The following TMEM243 variants were observed in gnomAD, a reference collection of about 807,000 sequenced individuals.
TMEM243 encodes the protein transmembrane protein 243.
In TMEM243, 20 loss-of-function variants were observed where a neutral mutation model predicts 15.0. The observed-to-expected ratio is 1.33, with a 90% CI of 0.94 to 1.93. The LOEUF (loss-of-function observed/expected upper bound fraction) is 1.93, where lower values mean the gene tolerates loss of function less well. Among genes scored for constraint, TMEM243 ranks in the 30% most tolerant of loss-of-function variants. The pLI, the probability that TMEM243 is intolerant of heterozygous loss-of-function variation, is 0.00. For missense variants in TMEM243, 156 were observed against 142.1 expected (o/e 1.10, Z -0.50); for synonymous variants, 72 against 52.7 (o/e 1.37, Z -1.59).
rs1291449629 is a variant in TMEM243 at position 87,219,589 on chromosome 7, C to G, written c.-86G>C. ...TCTCAGGTCCACGACTGCAAGCCTCCTCCTCACGGCTCCCGCATAGCCGAA... is the reference window on the plus strand; with the variant it reads ...TCTCAGGTCCACGACTGCAAGCCTCGTCCTCACGGCTCCCGCATAGCCGAA... On this transcript the variant is annotated 5_prime_UTR_variant, in exon 1 of 4. Transcript: ENST00000257637. The G allele has an allele frequency of 2.5e-6, 3 of 1,195,872 alleles. No individual in the cohort carries two copies. The highest frequency in any genetic ancestry group is 3.0e-5 in the African/African-American group (2 of 66,164). 74.1% of individuals were successfully genotyped at this position (1,195,872 alleles called of 1,614,324 possible).
At chr7:87,199,082 C>G (rs1179519927) in intron 1 of TMEM243, 25 bp from the exon 2 acceptor site, 1 of 1,593,996 alleles carries the variant, frequency 6.3e-7, no homozygotes, top group Non-Finnish European at 8.5e-7. Flanking sequence ...AATTTTTAAG[C>G]CATATGACTT....
intron 1 of TMEM243, 90 bp from the exon 2 acceptor site, chr7:87,199,147 T>A: frequency 9.6e-7 from 1 of 1,044,792 alleles, no homozygotes; most frequent in Non-Finnish European, 1.4e-6. Flanking sequence ...TGGTTTACTA[T>A]AAAGAAACCC....
chr7:87,209,029 G>GT (rs1456163330), intron 1 of TMEM243, among the ~76,000 whole-genome samples: 2 of 152,216 alleles, frequency 1.3e-5, no homozygotes, highest in African/African-American at 2.4e-5. Flanking sequence ...GGCCTTCACT[G>GT]TATTTCCATG....
At chr7:87,209,895 T>C (rs1056440763) in intron 1 of TMEM243, among the ~76,000 whole-genome samples, 2 of 106,866 alleles carry the variant, frequency 1.9e-5, no homozygotes, top group African/African-American at 7.7e-5. Context: ...TGAGAGACAG[T>C]GAGAGAGTGA....
chr7:87,202,939 A>C (rs567506761), intron 1 of TMEM243: 1 of 152,412 alleles, frequency 6.6e-6, no homozygotes, highest in African/African-American at 2.4e-5. Flanking sequence ...CTAGTGATTA[A>C]AAGCCAGAGA....
intron 1 of TMEM243, among the ~76,000 whole-genome samples, chr7:87,207,276 G>A (rs1314672580): frequency 6.6e-6 from 1 of 152,208 alleles, no homozygotes; most frequent in Non-Finnish European, 1.5e-5. Flanking sequence ...GAGGGGCAAG[G>A]CAAAACAGAG....
rs1189754617 is a variant in TMEM243, at chr7:87,196,436, G to A, written c.*200C>T. Reference sequence around the variant, plus strand: ...GCTTTAAGGGTTGGAATGTTTAGGTGCAACATCAGCTCCTTAAAGAAAAAG... The same window carrying A: ...GCTTTAAGGGTTGGAATGTTTAGGTACAACATCAGCTCCTTAAAGAAAAAG... On this transcript the variant is annotated 3_prime_UTR_variant, in exon 4 of 4. Coordinates refer to ENST00000257637, the MANE Select transcript of TMEM243 (RefSeq NM_024315.4). 6.2e-6 allele frequency: 3 copies of A among 486,492 alleles called. No homozygotes were observed. Among genetic ancestry groups the A allele is most frequent in the Non-Finnish European group, 1.1e-5 (3 of 283,888 alleles). The allele number at this position is 486,492 out of a possible 1,614,324, so 30.1% of individuals were successfully genotyped here. A position where few individuals can be genotyped will look rare whatever the true frequency, so the allele number is the denominator to read the frequency against.
chr7:87,200,161 A>G (rs1271267264), intron 1 of TMEM243, among the ~76,000 whole-genome samples: 1 of 152,116 alleles, frequency 6.6e-6, no homozygotes, highest in Admixed American at 6.6e-5. Flanking sequence ...AAAGCCAAGT[A>G]TTGGATGTGT....
chr7:87,215,417 T>TA (rs1159600998), intron 1 of TMEM243, among the ~76,000 whole-genome samples: 2 of 152,016 alleles, frequency 1.3e-5, no homozygotes, highest in Non-Finnish European at 2.9e-5. Flanking sequence ...AATTTTTTTT[T>TA]AAATATTGAT....
chr7:87,209,448 CAGTG>C (rs1027775832), intron 1 of TMEM243, among the ~76,000 whole-genome samples: 6 of 149,920 alleles, frequency 4.0e-5, no homozygotes, highest in South Asian at 4.3e-4. Context: ...GAGATTGAGA[CAGTG>C]AGACAGACAG....
chr7:87,215,812 C>T (rs1219323009), intron 1 of TMEM243, among the ~76,000 whole-genome samples: 1 of 152,196 alleles, frequency 6.6e-6, no homozygotes, highest in South Asian at 2.1e-4. Flanking sequence ...ATGTTTCTTA[C>T]AAAAGATGAA....
chr7:87,209,212 C>T (rs964737920), intron 1 of TMEM243, among the ~76,000 whole-genome samples: 1 of 152,032 alleles, frequency 6.6e-6, no homozygotes, highest in Non-Finnish European at 1.5e-5. Context: ...AACTGAATAA[C>T]AGTTCCACAT....
intron 1 of TMEM243, among the ~76,000 whole-genome samples, chr7:87,204,123 A>G (rs1802028944): frequency 6.6e-6 from 1 of 152,202 alleles, no homozygotes; most frequent in African/African-American, 2.4e-5. Context: ...AGAGCCAAGC[A>G]AAAGGGGAAA....
chr7:87,209,774 CAGAGCGAGACAGTG>C (rs796074824), intron 1 of TMEM243, among the ~76,000 whole-genome samples: 1 of 72,830 alleles, frequency 1.4e-5, no homozygotes, highest in Admixed American at 1.4e-4. Flanking sequence ...GAGAGCGAGA[CAGAGCGAGACAGTG>C]AGAGCGAGAC....
At chr7:87,213,062 C>T (rs1802865622) in intron 1 of TMEM243, among the ~76,000 whole-genome samples, 1 of 152,134 alleles carries the variant, frequency 6.6e-6, no homozygotes, top group Non-Finnish European at 1.5e-5. Flanking sequence ...GAGGACACAG[C>T]AGAAAGGAGA....
At chr7:87,200,483 GCTCT>G (rs1195987710) in intron 1 of TMEM243, among the ~76,000 whole-genome samples, 5 of 152,158 alleles carry the variant, frequency 3.3e-5, no homozygotes, top group African/African-American at 7.2e-5. Context: ...AATATCTGCT[GCTCT>G]CTGAGCGCCA....
chr7:87,209,687 C>CGAGACACAGT (rs1562885079), intron 1 of TMEM243, among the ~76,000 whole-genome samples: 12 of 80,694 alleles, frequency 1.5e-4, no homozygotes, highest in South Asian at 4.7e-4. Context: ...CGAGACACAG[C>CGAGACACAGT]GAGAGAGCGA....
chr7:87,204,003 A>C (rs892373419), intron 1 of TMEM243, among the ~76,000 whole-genome samples: 1 of 152,232 alleles, frequency 6.6e-6, no homozygotes, highest in Non-Finnish European at 1.5e-5. Context: ...GTAGTTTGTA[A>C]AGAAAAAGAG....
intron 1 of TMEM243, among the ~76,000 whole-genome samples, chr7:87,203,945 C>T (rs943748296): frequency 6.6e-6 from 1 of 152,200 alleles, no homozygotes; most frequent in Non-Finnish European, 1.5e-5. Flanking sequence ...TTTGACTACT[C>T]ATCTGTATTA....
Sources: allele counts gnomAD v4.1 joint callset (sites outside exome capture counted in the v4.1 genomes callset), GRCh38; gene constraint gnomAD v4.1.1; transcripts MANE v1.5; gene names NCBI Gene and HGNC (gene_info 2026-07-23, HGNC 2026-07-21).